BMP5: variants seen among roughly 807,000 people sequenced by gnomAD.
BMP5 encodes bone morphogenetic protein 5.
Under a neutral mutation model 46.6 loss-of-function variants are expected in BMP5, and 23 were observed. That is an observed-to-expected ratio of 0.49 (90% CI 0.35 to 0.70). The LOEUF (loss-of-function observed/expected upper bound fraction) is 0.70. BMP5 is among the 30% of genes least tolerant of loss of function. The pLI is 0.00. For synonymous variants in BMP5, 204 were observed against 191.9 expected, an observed-to-expected ratio of 1.06 and a Z score of -0.52; for missense variants, 545 against 565.6, an observed-to-expected ratio of 0.96 and a Z score of 0.37.
At chr6:55,773,061 G>T in intron 4 of BMP5, 1 of 352,276 alleles carries the variant, frequency 2.8e-6, no homozygotes, top group Non-Finnish European at 4.0e-6. Flanking sequence ...GACAAAGACT[G>T]TTTGAAGTTA....
intron 1 of BMP5, among the ~76,000 whole-genome samples, chr6:55,856,543 T>C (rs143194539): frequency 5.3e-5 from 8 of 152,328 alleles, no homozygotes; most frequent in African/African-American, 1.7e-4. Flanking sequence ...CTTGGTTTTC[T>C]GAGTTCAGGG....
intron 3 of BMP5, among the ~76,000 whole-genome samples, chr6:55,783,969 C>T (rs1348820019): frequency 6.6e-6 from 1 of 151,888 alleles, no homozygotes; most frequent in African/African-American, 2.4e-5. Flanking sequence ...TTTGTAACTG[C>T]TTACTTTAAA....
At chr6:55,851,215 C>T (rs1442782468) in intron 1 of BMP5, among the ~76,000 whole-genome samples, 3 of 151,304 alleles carry the variant, frequency 2.0e-5, no homozygotes, top group African/African-American at 4.9e-5. Context: ...TTTTCTTCTC[C>T]CCATTCTAAG....
At chr6:55,785,296 G>A (rs1487517492) in intron 3 of BMP5, among the ~76,000 whole-genome samples, 1 of 151,754 alleles carries the variant, frequency 6.6e-6, no homozygotes, top group Non-Finnish European at 1.5e-5. Context: ...GAAAATACAT[G>A]GAGTATATTT....
At chr6:55,838,881 T>A (rs1776886212) in intron 1 of BMP5, among the ~76,000 whole-genome samples, 1 of 152,194 alleles carries the variant, frequency 6.6e-6, no homozygotes, top group South Asian at 2.1e-4. Flanking sequence ...TTTGCTCAAA[T>A]TCATATATTT....
chr6:55,805,587 T>C (rs930793830), intron 2 of BMP5, among the ~76,000 whole-genome samples: 19 of 152,176 alleles, frequency 1.2e-4, no homozygotes, highest in African/African-American at 4.6e-4. Context: ...TATCCAGTAA[T>C]GGGATTGCTG....
chr6:55,837,537 G>A (rs1776845761), intron 1 of BMP5, among the ~76,000 whole-genome samples: 1 of 151,980 alleles, frequency 6.6e-6, no homozygotes, highest in Admixed American at 6.6e-5. Context: ...ATACATAGTA[G>A]GTGTATATAT....
At chr6:55,807,405 G>A (rs748012949) in intron 2 of BMP5, among the ~76,000 whole-genome samples, 1 of 152,188 alleles carries the variant, frequency 6.6e-6, no homozygotes, top group African/African-American at 2.4e-5. Flanking sequence ...GCATCCCAGG[G>A]ATCAAGTCAA....
rs560513756 is a variant in BMP5, at chr6:55,755,739, G to A, written c.1216-57C>T. The A allele has an allele frequency of 4.7e-6, 7 of 1,497,076 alleles. No homozygotes were observed. The African/African-American group carries it at 9.8e-5, about 21-fold the overall frequency. 92.7% of individuals were successfully genotyped at this position (1,497,076 alleles called of 1,614,324 possible). A position where few individuals can be genotyped will look rare whatever the true frequency, so the allele number is the denominator to read the frequency against. The stretch of plus-strand genomic sequence containing the variant: ...GAAATAAAATATACATTCTTTTGCA[G>A]TTTTAAAATGGTATGATTATTTTAT... On this transcript the variant is annotated intron_variant, in intron 6 of 6. Transcript: ENST00000370830.
intron 1 of BMP5, among the ~76,000 whole-genome samples, chr6:55,843,486 T>C (rs1031513088): frequency 3.9e-5 from 6 of 152,076 alleles, no homozygotes; most frequent in Non-Finnish European, 7.4e-5. Context: ...TTCATAGTTA[T>C]GTTGTTTTCT....
chr6:55,835,942 T>C (rs1328857879), intron 1 of BMP5, among the ~76,000 whole-genome samples: 3 of 152,192 alleles, frequency 2.0e-5, no homozygotes, highest in Non-Finnish European at 4.4e-5. Context: ...AGGGATGTAA[T>C]CTATACCACT....
intron 1 of BMP5, among the ~76,000 whole-genome samples, chr6:55,842,216 G>A (rs953590591): frequency 2.6e-5 from 4 of 152,028 alleles, no homozygotes; most frequent in South Asian, 4.2e-4. Flanking sequence ...TTCTTAGAGC[G>A]GATCTATTTC....
chr6:55,854,448 A>G (rs1041162759), intron 1 of BMP5, among the ~76,000 whole-genome samples: 2 of 151,700 alleles, frequency 1.3e-5, no homozygotes, highest in African/African-American at 2.4e-5. Context: ...TTTATACTGT[A>G]TTTTTTTCTT....
At chr6:55,873,313 G>T (rs1278013420) in intron 1 of BMP5, among the ~76,000 whole-genome samples, 1 of 151,832 alleles carries the variant, frequency 6.6e-6, no homozygotes, top group Non-Finnish European at 1.5e-5. Flanking sequence ...TTAAAACAAA[G>T]TTCTAAAAGC....
In BMP5 at chr6:55,759,004, C is replaced by T; in HGVS notation, c.1215+1G>A. On this transcript the variant is annotated splice_donor_variant, in intron 6 of 6. Transcript: ENST00000370830. LOFTEE classifies it high-confidence loss of function. ...CTTAATCCTTCAAAAACAAAGCTTACCAGAGTCTGAACTATAGCGTGGTTG... is the reference window on the plus strand; with the variant it reads ...CTTAATCCTTCAAAAACAAAGCTTATCAGAGTCTGAACTATAGCGTGGTTG... The T allele has an allele frequency of 6.3e-7, 1 of 1,585,686 alleles. No individual in the cohort carries two copies. The highest frequency in any genetic ancestry group is 8.7e-7 in the Non-Finnish European group (1 of 1,154,982).
At chr6:55,782,015 TAAAG>T (rs1405771499) in intron 3 of BMP5, among the ~76,000 whole-genome samples, 1 of 151,646 alleles carries the variant, frequency 6.6e-6, no homozygotes, top group South Asian at 2.1e-4. Flanking sequence ...CGGCACCTAA[TAAAG>T]AAAGTGAAAA....
chr6:55,816,714 C>T (rs1056378075), intron 2 of BMP5, among the ~76,000 whole-genome samples: 1 of 152,142 alleles, frequency 6.6e-6, no homozygotes, highest in Admixed American at 6.6e-5. Context: ...ACTAGCATTC[C>T]ATAGGATATT....
Position 55,849,616 on chromosome 6 carries a change from A to G in BMP5, c.490+24760T>C, listed in dbSNP as rs999057335. 3.3e-5 allele frequency among the ~76,000 whole-genome samples: 5 copies of G among 152,192 alleles called. No homozygotes were observed. In the East Asian group the frequency reaches 5.8e-4, roughly 18 times the overall value. On this transcript the variant is annotated intron_variant, in intron 1 of 6. Coordinates refer to ENST00000370830, the MANE Select transcript of BMP5 (RefSeq NM_021073.4). ...CTGCAGGAAGAGTTAGGAAAAATGT[A>G]AAAGGGCTAGCCAAAATAGATATTA...
chr6:55,763,273 GAA>G (rs920890792), intron 4 of BMP5, among the ~76,000 whole-genome samples: 22 of 152,066 alleles, frequency 1.4e-4, no homozygotes, highest in African/African-American at 5.3e-4. Flanking sequence ...AAAAAATAAA[GAA>G]AATAAAACTT....
Sources: allele counts gnomAD v4.1 joint callset (sites outside exome capture counted in the v4.1 genomes callset), GRCh38; gene constraint gnomAD v4.1.1; transcripts MANE v1.5; gene names NCBI Gene and HGNC (gene_info 2026-07-23, HGNC 2026-07-21).